Variants in PLEKHG1 observed in about 807,000 individuals in gnomAD.
PLEKHG1 encodes the protein pleckstrin homology domain-containing family G member 1.
PLEKHG1 carries 44 observed loss-of-function variants against 100.8 expected under a neutral mutation model. The ratio of observed to expected loss-of-function variants is 0.44; its 90% confidence interval spans 0.34 to 0.56. PLEKHG1 has a LOEUF of 0.56. Among genes scored for constraint, PLEKHG1 ranks in the 20% least tolerant of loss-of-function variants. PLEKHG1 has a pLI of 0.01. For synonymous variants in PLEKHG1, 640 were observed against 662.5 expected, an observed-to-expected ratio of 0.97 and a Z score of 0.52; for missense variants, 1,545 against 1,720.9, an observed-to-expected ratio of 0.90 and a Z score of 1.81.
intron 3 of PLEKHG1, among the ~76,000 whole-genome samples, chr6:150,771,540 CTTTTCTT>C (rs930463851): frequency 3.8e-4 from 58 of 151,792 alleles, no homozygotes; most frequent in African/African-American, 1.1e-3. Context: ...CATCTCTGTT[CTTTTCTT>C]TTTTCTTTTT....
chr6:150,655,325 A>G (rs1778920106), intron 3 of PLEKHG1, among the ~76,000 whole-genome samples: 1 of 152,180 alleles, frequency 6.6e-6, no homozygotes, highest in Admixed American at 6.5e-5. Context: ...CTAAAAACAC[A>G]TGCACACGTA....
chr6:150,838,951 C>T (rs1348308335), intron 15 of PLEKHG1, among the ~76,000 whole-genome samples: 4 of 152,118 alleles, frequency 2.6e-5, no homozygotes, highest in Non-Finnish European at 5.9e-5. Flanking sequence ...ACTTAGTAGA[C>T]ATTGGTTCCC....
At chr6:150,693,527 G>C (rs1444147077) in intron 3 of PLEKHG1, among the ~76,000 whole-genome samples, 1 of 152,174 alleles carries the variant, frequency 6.6e-6, no homozygotes, top group Admixed American at 6.5e-5. Context: ...TAGACTCTGA[G>C]GTCCTGCATC....
chr6:150,678,270 T>G (rs190820965), intron 3 of PLEKHG1, among the ~76,000 whole-genome samples: 55 of 151,940 alleles, frequency 3.6e-4, no homozygotes, highest in Non-Finnish European at 6.3e-4. Context: ...TCAGACCACT[T>G]GAACAACATC....
intron 3 of PLEKHG1, among the ~76,000 whole-genome samples, chr6:150,674,441 A>C (rs1779671595): frequency 6.6e-6 from 1 of 152,142 alleles, no homozygotes; most frequent in African/African-American, 2.4e-5. Context: ...TCTTTCTGAG[A>C]ATTAACCTGC....
At chr6:150,771,813 A>G (rs1304112742) in intron 3 of PLEKHG1, among the ~76,000 whole-genome samples, 1 of 152,204 alleles carries the variant, frequency 6.6e-6, no homozygotes, top group Admixed American at 6.5e-5. Flanking sequence ...GAGGGCATAA[A>G]GAAATGGTAT....
intron 2 of PLEKHG1, among the ~76,000 whole-genome samples, chr6:150,764,950 A>AT (rs3072747): frequency 0.33 from 49,857 of 150,796 alleles, 12,659 homozygotes; most frequent in African/African-American, 0.7. Flanking sequence ...TGTTTTATGC[A>AT]TTTTTTTTTA....
chr6:150,606,669 T>C (rs2128551212), intron 1 of PLEKHG1, among the ~76,000 whole-genome samples: 1 of 152,320 alleles, frequency 6.6e-6, no homozygotes, highest in African/African-American at 2.4e-5. Context: ...TCTCTTCGTA[T>C]CCAAGTTCCC....
chr6:150,707,553 G>A (rs1390460426), intron 3 of PLEKHG1, among the ~76,000 whole-genome samples: 2 of 152,130 alleles, frequency 1.3e-5, no homozygotes, highest in Non-Finnish European at 2.9e-5. Context: ...CCAGGGTGAC[G>A]TGAGCAAGCT....
At position 150,818,169 on chromosome 6, in the gene PLEKHG1, T is replaced by C; in HGVS notation, c.1279-14T>C. 2.5e-6 allele frequency: 4 copies of C among 1,605,042 alleles called. No individual in the cohort carries two copies. The highest frequency in any genetic ancestry group is 3.4e-6 in the Non-Finnish European group (4 of 1,172,688). ...AAAGCAATTGGAATTACAGCTCTAC[T>C]TTCTCTCTTTCAGGCCAAGCAAGCA... On this transcript the variant is annotated splice_polypyrimidine_tract_variant and intron_variant, in intron 10 of 15. Coordinates refer to ENST00000358517, the Ensembl canonical transcript of PLEKHG1.
chr6:150,624,919 G>A (rs1326277572), intron 1 of PLEKHG1: 1 of 152,124 alleles, frequency 6.6e-6, no homozygotes, highest in African/African-American at 2.4e-5. Flanking sequence ...GGCCAGGCGT[G>A]GTGGCTCACT....
In PLEKHG1 at chr6:150,697,738, T is replaced by C. The variant is rs541541075; in HGVS notation, c.-98-35846T>C. Among the ~76,000 whole-genome samples the C allele has an allele frequency of 9.2e-5, 14 of 152,272 alleles. No homozygotes were observed. The East Asian group carries it at 2.3e-3, about 25-fold the overall frequency. ...CCTGCTGGAAGATTGACACAGACAG[T>C]CCCATGCTGTGCAAAGGGAAGATGC... On this transcript the variant is annotated intron_variant, in intron 3 of 3. Transcript: ENST00000367326.
At chr6:150,652,334 TA>T (rs1778780783) in intron 3 of PLEKHG1, among the ~76,000 whole-genome samples, 1 of 152,230 alleles carries the variant, frequency 6.6e-6, no homozygotes, top group Non-Finnish European at 1.5e-5. Flanking sequence ...TTTCCACGCT[TA>T]TGCTTATACG....
intron 3 of PLEKHG1, among the ~76,000 whole-genome samples, chr6:150,675,119 A>C (rs1313878247): frequency 6.6e-6 from 1 of 152,230 alleles, no homozygotes; most frequent in Non-Finnish European, 1.5e-5. Context: ...CACAGGCAGC[A>C]TTTTGGGAGT....
chr6:150,627,254 T>TAAATACAG (rs1180434139), intron 1 of PLEKHG1, among the ~76,000 whole-genome samples: 1 of 152,240 alleles, frequency 6.6e-6, no homozygotes, highest in Non-Finnish European at 1.5e-5. Context: ...TTTAATCATT[T>TAAATACAG]CTCTTCCTAA....
At chr6:150,666,901 C>CA (rs1162289222) in intron 3 of PLEKHG1, among the ~76,000 whole-genome samples, 1 of 152,008 alleles carries the variant, frequency 6.6e-6, no homozygotes, top group African/African-American at 2.4e-5. Flanking sequence ...GCTGGGACTA[C>CA]AGGTGCCCAC....
In PLEKHG1 at chr6:150,683,859, A is replaced by C. The variant is rs1326547463; in HGVS notation, c.-99+33073A>C. ...CATCACAGGCGAGTGAAATATGGGA[A>C]TATTGAAGGGGCCTGGGATGGAGGT... On this transcript the variant is annotated intron_variant, in intron 3 of 3. Transcript: ENST00000367326. The surrounding 1 kb of genome is among the most constrained non-coding windows in gnomAD (Gnocchi z 4.0). 1 of 1,273,040 alleles carries C rather than the reference A, an allele frequency of 7.9e-7. No individual in the cohort carries two copies. The highest frequency in any genetic ancestry group is 2.2e-4 in the Middle Eastern group (1 of 4,628). 78.9% of individuals were successfully genotyped at this position (1,273,040 alleles called of 1,614,324 possible). A position where few individuals can be genotyped will look rare whatever the true frequency, so the allele number is the denominator to read the frequency against.
At chr6:150,658,966 T>G (rs1779077357) in intron 3 of PLEKHG1, among the ~76,000 whole-genome samples, 1 of 152,210 alleles carries the variant, frequency 6.6e-6, no homozygotes, top group East Asian at 1.9e-4. Flanking sequence ...ATTAGGAGCC[T>G]GAAGCTTGCA....
At chr6:150,691,596 C>T (rs1473094241) in intron 3 of PLEKHG1, among the ~76,000 whole-genome samples, 1 of 152,192 alleles carries the variant, frequency 6.6e-6, no homozygotes, top group Non-Finnish European at 1.5e-5. Flanking sequence ...CTTCCTTCCT[C>T]ATTTCTTAAT....
Sources: allele counts gnomAD v4.1 joint callset (sites outside exome capture counted in the v4.1 genomes callset), GRCh38; gene constraint gnomAD v4.1.1; non-coding constraint Gnocchi (gnomAD v3.1); transcripts MANE v1.5; gene names NCBI Gene and HGNC (gene_info 2026-07-23, HGNC 2026-07-21).